MACROD2: variants seen among roughly 807,000 people sequenced by gnomAD.
The protein encoded by MACROD2 is mono-ADP ribosylhydrolase 2.
In MACROD2, 36 loss-of-function variants were observed where a neutral mutation model predicts 70.4. The ratio of observed to expected loss-of-function variants is 0.51; its 90% CI spans 0.39 to 0.68. MACROD2 has a LOEUF of 0.68. Among genes scored for constraint, MACROD2 ranks in the 30% least tolerant of loss-of-function variants. The pLI is 0.00. For missense variants in MACROD2, 496 were observed against 538.4 expected, an observed-to-expected ratio of 0.92 and a Z score of 0.78; for synonymous variants, 172 against 178.8, an observed-to-expected ratio of 0.96 and a Z score of 0.30.
At chr20:14,308,278 A>G (rs187598979) in intron 3 of MACROD2, among the ~76,000 whole-genome samples, 1 of 152,274 alleles carries the variant, frequency 6.6e-6, no homozygotes, top group Admixed American at 6.5e-5. Context: ...GTCATTAGGT[A>G]TGGCTGAGTT....
At chr20:15,516,996 T>G (rs2047576560) in intron 8 of MACROD2, among the ~76,000 whole-genome samples, 1 of 152,340 alleles carries the variant, frequency 6.6e-6, no homozygotes, top group East Asian at 1.9e-4. Flanking sequence ...ATAAGTAGTA[T>G]GCAACGTAAC....
At chr20:15,374,527 G>T (rs1174895505) in intron 6 of MACROD2, among the ~76,000 whole-genome samples, 2 of 152,010 alleles carry the variant, frequency 1.3e-5, no homozygotes, top group East Asian at 3.9e-4. Context: ...TTGAAGAAGA[G>T]AACACAGCTT....
chr20:15,779,250 A>C (rs2051788695), intron 8 of MACROD2, among the ~76,000 whole-genome samples: 1 of 152,160 alleles, frequency 6.6e-6, no homozygotes, highest in African/African-American at 2.4e-5. Flanking sequence ...AGAAGCTATT[A>C]TCCCTTTATG....
chr20:14,715,680 G>C (rs2071389459), intron 5 of MACROD2, among the ~76,000 whole-genome samples: 1 of 152,102 alleles, frequency 6.6e-6, no homozygotes, highest in Non-Finnish European at 1.5e-5. Flanking sequence ...AGCTCTCTGA[G>C]CCCTGGGAGA....
chr20:15,587,642 G>A (rs1453644321), intron 8 of MACROD2, among the ~76,000 whole-genome samples: 2 of 152,220 alleles, frequency 1.3e-5, no homozygotes, highest in African/African-American at 4.8e-5. Flanking sequence ...CCAAATGGGA[G>A]AAATTGGCCA....
intron 8 of MACROD2, chr20:15,619,566 C>T: frequency 2.3e-6 from 1 of 433,818 alleles, no homozygotes. Context: ...GGTCACCAGT[C>T]ATCAGGTTCT....
chr20:15,049,950 G>GA (rs746935083), intron 5 of MACROD2, among the ~76,000 whole-genome samples: 2,024 of 124,444 alleles, frequency 0.016, 33 homozygotes, highest in African/African-American at 0.047. Context: ...TCTGTCTCAG[G>GA]AAAAAAAAAA....
chr20:14,953,650 C>T (rs886955104), intron 5 of MACROD2, among the ~76,000 whole-genome samples: 3 of 152,106 alleles, frequency 2.0e-5, no homozygotes, highest in Admixed American at 1.3e-4. Flanking sequence ...TGCTCTGACC[C>T]ATCAGATGTG....
chr20:14,579,498 C>CA (rs1383320610), intron 4 of MACROD2, among the ~76,000 whole-genome samples: 4 of 152,190 alleles, frequency 2.6e-5, no homozygotes, highest in African/African-American at 9.7e-5. Flanking sequence ...ATTTTATAAT[C>CA]AGATTGAAAA....
At chr20:14,599,496 A>G (rs534562080) in intron 4 of MACROD2, among the ~76,000 whole-genome samples, 1 of 152,320 alleles carries the variant, frequency 6.6e-6, no homozygotes, top group South Asian at 2.1e-4. Flanking sequence ...CATTTCTGTA[A>G]TACTCCTGTT....
At chr20:14,023,390 G>T (rs1220078992) in intron 2 of MACROD2, among the ~76,000 whole-genome samples, 1 of 152,150 alleles carries the variant, frequency 6.6e-6, no homozygotes, top group Non-Finnish European at 1.5e-5. Context: ...CTGTGCAGAA[G>T]TTCTTTAGTT....
chr20:15,837,755 G>C (rs2147126038), intron 8 of MACROD2, among the ~76,000 whole-genome samples: 1 of 152,202 alleles, frequency 6.6e-6, no homozygotes, highest in African/African-American at 2.4e-5. Flanking sequence ...GTTCCTCTTG[G>C]TTACAAAAGC....
intron 2 of MACROD2, among the ~76,000 whole-genome samples, chr20:14,025,689 T>C (rs1314093878): frequency 6.6e-6 from 1 of 152,244 alleles, no homozygotes. Flanking sequence ...GTTAGTTTGA[T>C]TGCACTGTGG....
chr20:14,765,426 T>C (rs960923693), intron 5 of MACROD2, among the ~76,000 whole-genome samples: 3 of 152,106 alleles, frequency 2.0e-5, no homozygotes, highest in Admixed American at 1.3e-4. Flanking sequence ...TTTTTCTTCC[T>C]GACTTTTTGT....
At position 16,028,385 on chromosome 20, in the gene MACROD2, A is replaced by ATT. The variant is rs11483358; in HGVS notation, c.1154-12803_1154-12802dup. ...ATAGGCATTGAAGTACCTGGTGGAC[A>ATT]TTTTTTTTTTTTTTGCTCTTCTTCC... On this transcript the variant is annotated intron_variant, in intron 15 of 17. Coordinates refer to ENST00000684519, the MANE Select transcript of MACROD2 (RefSeq NM_001351661.2). Among the ~76,000 whole-genome samples the ATT allele has an allele frequency of 4.6e-3, 674 of 146,544 alleles. 9 individuals are homozygous for ATT. The highest frequency in any genetic ancestry group is 0.01 in the African/African-American group (408 of 39,876).
At chr20:14,032,762 A>C (rs979596965) in intron 2 of MACROD2, among the ~76,000 whole-genome samples, 3 of 152,180 alleles carry the variant, frequency 2.0e-5, no homozygotes, top group African/African-American at 7.2e-5. Context: ...TAGCTCTGCC[A>C]CTTCTTTGGG....
At chr20:14,145,329 G>A (rs976466010) in intron 3 of MACROD2, among the ~76,000 whole-genome samples, 1 of 152,060 alleles carries the variant, frequency 6.6e-6, no homozygotes, top group African/African-American at 2.4e-5. Flanking sequence ...AGTGTTTGTG[G>A]TAGGTATAAA....
chr20:14,020,201 G>A (rs762943438), intron 2 of MACROD2, among the ~76,000 whole-genome samples: 1 of 152,130 alleles, frequency 6.6e-6, no homozygotes, highest in Non-Finnish European at 1.5e-5. Flanking sequence ...AGCCGGGCGC[G>A]GTGGCTCATG....
At chr20:14,554,908 G>T (rs998387442) in intron 4 of MACROD2, among the ~76,000 whole-genome samples, 1 of 151,998 alleles carries the variant, frequency 6.6e-6, no homozygotes, top group African/African-American at 2.4e-5. Context: ...ATGCATGTGT[G>T]TTTTGAGACC....
Sources: gnomAD v4.1 joint callset for allele counts (sites outside exome capture counted in the v4.1 genomes callset) on GRCh38, gnomAD v4.1.1 for gene constraint, MANE v1.5 for transcripts, NCBI Gene and HGNC (gene_info 2026-07-23, HGNC 2026-07-21) for gene names.